NCOA3: variants seen among roughly 807,000 people sequenced by gnomAD.
The protein encoded by NCOA3 is CBP-interacting protein.
A neutral mutation model predicts 158.8 loss-of-function variants in NCOA3; 51 were observed. That is an observed-to-expected ratio of 0.32 (90% CI 0.26 to 0.41). The LOEUF (loss-of-function observed/expected upper bound fraction) is 0.41, where lower values mean the gene tolerates loss of function less well. Ranked by LOEUF, NCOA3 falls within the 10% of genes least tolerant of loss-of-function variation. NCOA3 has a pLI of 1.00. For synonymous variants in NCOA3, 537 were observed against 592.4 expected, an observed-to-expected ratio of 0.91 and a Z score of 1.36; for missense variants, 1,510 against 1,746.6, an observed-to-expected ratio of 0.86 and a Z score of 2.41.
At chr20:47,532,112 G>GTGTGTGTGTGTA (rs1476417337) in intron 1 of NCOA3, among the ~76,000 whole-genome samples, 1 of 149,364 alleles carries the variant, frequency 6.7e-6, no homozygotes, top group African/African-American at 2.5e-5. Flanking sequence ...GGGGGGACTT[G>GTGTGTGTGTGTA]TGTGTGTGTG....
intron 2 of NCOA3, among the ~76,000 whole-genome samples, chr20:47,587,170 A>G (rs979825968): frequency 4.9e-4 from 75 of 152,128 alleles, no homozygotes; most frequent in African/African-American, 1.8e-3. Flanking sequence ...CAATAGCCCT[A>G]TGTATTGGTG....
intron 1 of NCOA3, among the ~76,000 whole-genome samples, chr20:47,539,156 A>T (rs1422793415): frequency 6.6e-6 from 1 of 152,100 alleles, no homozygotes; most frequent in Non-Finnish European, 1.5e-5. Flanking sequence ...CTTGTGCCAT[A>T]GAATTTGTAT....
intron 1 of NCOA3, among the ~76,000 whole-genome samples, chr20:47,556,579 G>A (rs892104451): frequency 1.3e-5 from 2 of 152,070 alleles, no homozygotes; most frequent in African/African-American, 4.8e-5. Flanking sequence ...CTGTAGTACA[G>A]TGGTGTGATC....
intron 20 of NCOA3, among the ~76,000 whole-genome samples, chr20:47,651,550 G>A (rs1004719526): frequency 2.6e-5 from 4 of 152,130 alleles, no homozygotes; most frequent in African/African-American, 4.8e-5. Context: ...TTGTCCCCTT[G>A]CCCCTTCTTG....
chr20:47,528,593 G>A (rs995457365), intron 1 of NCOA3, among the ~76,000 whole-genome samples: 13 of 151,896 alleles, frequency 8.6e-5, no homozygotes, highest in Admixed American at 3.3e-4. Flanking sequence ...TACACATACT[G>A]TCTTGTCTTT....
At chr20:47,633,355 A>G in intron 8 of NCOA3, 141 bp from the exon 9 acceptor site, 8 of 728,670 alleles carry the variant, frequency 1.1e-5, no homozygotes, top group South Asian at 1.0e-4. Context: ...AGCTGTGGAT[A>G]TAGTAGAAAT....
intron 1 of NCOA3, among the ~76,000 whole-genome samples, chr20:47,522,490 C>G (rs998532865): frequency 6.7e-6 from 1 of 148,766 alleles, no homozygotes; most frequent in African/African-American, 2.5e-5. Flanking sequence ...CTCCCCCATA[C>G]AGAGACAGAA....
At chr20:47,599,196 G>A (rs770602182) in intron 2 of NCOA3, among the ~76,000 whole-genome samples, 2 of 152,188 alleles carry the variant, frequency 1.3e-5, no homozygotes, top group African/African-American at 4.8e-5. Flanking sequence ...GAACCGATAT[G>A]TGCTACAATG....
intron 1 of NCOA3, among the ~76,000 whole-genome samples, chr20:47,522,722 T>C (rs1168150607): frequency 1.3e-5 from 2 of 151,752 alleles, no homozygotes; most frequent in East Asian, 3.9e-4. Context: ...CACGTGGGGA[T>C]ATGTGGGGGA....
At chr20:47,582,597 C>G (rs2085470424) in intron 1 of NCOA3, among the ~76,000 whole-genome samples, 1 of 151,982 alleles carries the variant, frequency 6.6e-6, no homozygotes, top group Non-Finnish European at 1.5e-5. Context: ...GAACTCCTGG[C>G]CTCAAGCGGT....
intron 9 of NCOA3, 47 bp downstream of exon 9, chr20:47,633,683 G>A: frequency 6.3e-7 from 1 of 1,580,376 alleles, no homozygotes; most frequent in Admixed American, 1.8e-5. Context: ...ATTCTTTAGA[G>A]ACAGGGCCTT....
intron 1 of NCOA3, among the ~76,000 whole-genome samples, chr20:47,571,900 T>C (rs2085301087): frequency 6.7e-6 from 1 of 150,264 alleles, no homozygotes; most frequent in Non-Finnish European, 1.5e-5. Flanking sequence ...ACTAATTTTT[T>C]TGTTCTTTAT....
chr20:47,613,639 G>A (rs564237568), intron 2 of NCOA3, among the ~76,000 whole-genome samples: 24 of 152,262 alleles, frequency 1.6e-4, no homozygotes, highest in African/African-American at 5.1e-4. Flanking sequence ...TAGGCCAGGC[G>A]CGGCGGCTCA....
At chr20:47,589,768 C>G (rs2085597272) in intron 2 of NCOA3, among the ~76,000 whole-genome samples, 1 of 152,056 alleles carries the variant, frequency 6.6e-6, no homozygotes, top group Non-Finnish European at 1.5e-5. Context: ...ACTTGGAATA[C>G]TTATAAATTT....
chr20:47,535,602 G>T (rs1208709808), intron 1 of NCOA3, among the ~76,000 whole-genome samples: 1 of 151,836 alleles, frequency 6.6e-6, no homozygotes, highest in South Asian at 2.1e-4. Flanking sequence ...CCTCCTCCCA[G>T]GTTCAAGTGA....
chr20:47,613,294 G>T (rs1312611300), intron 2 of NCOA3, among the ~76,000 whole-genome samples: 1 of 150,640 alleles, frequency 6.6e-6, no homozygotes, highest in East Asian at 1.9e-4. Flanking sequence ...AAAACTGTAG[G>T]CTCCTAGCTT....
At chr20:47,576,877 G>A (rs1447042201) in intron 1 of NCOA3, among the ~76,000 whole-genome samples, 1 of 151,820 alleles carries the variant, frequency 6.6e-6, no homozygotes, top group Non-Finnish European at 1.5e-5. Flanking sequence ...TATTTATTTT[G>A]TGTGATCCTG....
intron 1 of NCOA3, among the ~76,000 whole-genome samples, chr20:47,535,352 C>CT: frequency 6.6e-6 from 1 of 152,264 alleles, no homozygotes; most frequent in East Asian, 1.9e-4. Flanking sequence ...ACAGTGTGCT[C>CT]TTTCAGTTTT....
At chr20:47,572,953 A>G (rs1304652725) in intron 1 of NCOA3, among the ~76,000 whole-genome samples, 2 of 152,206 alleles carry the variant, frequency 1.3e-5, no homozygotes, top group East Asian at 3.8e-4. Flanking sequence ...GCTGTGTCTC[A>G]GGGAATAAGG....
Sources: allele counts gnomAD v4.1 joint callset (sites outside exome capture counted in the v4.1 genomes callset), GRCh38; gene constraint gnomAD v4.1.1; transcripts MANE v1.5; gene names NCBI Gene and HGNC (gene_info 2026-07-23, HGNC 2026-07-21).